PCDHGB2: variants seen among roughly 807,000 people sequenced by gnomAD.
PCDHGB2 encodes the protein protocadherin gamma subfamily B, 2.
PCDHGB2 carries 55 observed loss-of-function variants against 59.3 expected under a neutral mutation model. The ratio of observed to expected loss-of-function variants is 0.93; its 90% CI spans 0.75 to 1.16. The LOEUF is 1.16. Among genes scored for constraint, PCDHGB2 ranks in the 50% most tolerant of loss-of-function variants. PCDHGB2 has a pLI of 0.00. For missense variants in PCDHGB2, 1,228 were observed against 1,198.5 expected (o/e 1.02, Z -0.36); for synonymous variants, 516 against 512.0 (o/e 1.01, Z -0.11).
intron 1 of PCDHGB2, chr5:141,391,595 T>C (rs1353226414): frequency 6.6e-6 from 1 of 152,188 alleles, no homozygotes; most frequent in Non-Finnish European, 1.5e-5. Flanking sequence ...AAATATAAAG[T>C]TTTCAGATTT....
intron 1 of PCDHGB2, chr5:141,410,320 C>G (rs752279818): frequency 8.1e-6 from 13 of 1,613,880 alleles, no homozygotes; most frequent in African/African-American, 2.7e-5. Context: ...TCCTCCTCGC[C>G]GTGATTCTGG....
In PCDHGB2 at chr5:141,486,828, G is replaced by T. The variant is rs140257646; in HGVS notation, c.2422-7979G>T. ...CCCCTTAGCAGCACTGTAACAGTTC[G>T]TCTATTTGTGCTGGACCTCAATGAC... On this transcript the variant is annotated intron_variant, in intron 1 of 3. Coordinates refer to ENST00000522605, the MANE Select transcript of PCDHGB2 (RefSeq NM_018923.3). This position sits in a 1 kb window ranked among gnomAD's most constrained non-coding sequence, Gnocchi z 5.0. The T allele has an allele frequency of 8.7e-6, 14 of 1,614,218 alleles. No homozygotes were observed. The highest frequency in any genetic ancestry group is 1.2e-5 in the Non-Finnish European group (14 of 1,180,042).
chr5:141,392,877 A>T, intron 1 of PCDHGB2: 1 of 1,613,506 alleles, frequency 6.2e-7, no homozygotes, highest in Non-Finnish European at 8.5e-7. Flanking sequence ...GCTGCTGGGA[A>T]CGCTGTGGGA....
At chr5:141,437,895 A>G (rs911855268) in intron 1 of PCDHGB2, among the ~76,000 whole-genome samples, 23 of 151,954 alleles carry the variant, frequency 1.5e-4, no homozygotes, top group African/African-American at 4.8e-4. Flanking sequence ...ACGCCACCAC[A>G]CCCAGCTAAT....
intron 1 of PCDHGB2, chr5:141,394,841 C>A: frequency 6.2e-7 from 1 of 1,613,852 alleles, no homozygotes; most frequent in Non-Finnish European, 8.5e-7. Flanking sequence ...CCGAGTTGGG[C>A]AGTCTGAAGC....
In PCDHGB2 at chr5:141,511,236, C is replaced by T; in HGVS notation, c.*63C>T. 4 of 1,591,606 alleles carry T rather than the reference C, an allele frequency of 2.5e-6. No individual in the cohort carries two copies. Among genetic ancestry groups the T allele is most frequent in the Admixed American group, 3.6e-5 (2 of 56,022 alleles). ...CCCAACCAGCCCAGCTTCTCCTTAC[C>T]TGCACCCAGGCCTCAGAGTTTCAGG... On this transcript the variant is annotated 3_prime_UTR_variant, in exon 4 of 4. Transcript: ENST00000522605.
chr5:141,423,983 C>T, intron 1 of PCDHGB2: 5 of 1,107,052 alleles, frequency 4.5e-6, no homozygotes, highest in Non-Finnish European at 5.6e-6. Context: ...GTATGAGGCT[C>T]TCAATTTATT....
At chr5:141,381,244 C>T (rs554184818) in intron 1 of PCDHGB2, among the ~76,000 whole-genome samples, 2 of 152,360 alleles carry the variant, frequency 1.3e-5, no homozygotes, top group African/African-American at 4.8e-5. Flanking sequence ...TCTCCAGGAC[C>T]TAGAAGAATT....
Position 141,375,311 on chromosome 5 carries a change from C to G in PCDHGB2, c.2421+12755C>G, listed in dbSNP as rs367639660. On this transcript the variant is annotated intron_variant, in intron 1 of 3. Transcript: ENST00000522605. ...TTATCGATTAGTGACAAATGCAGCTCTAGACCGGGAAGAGGTATTCTTGTA... is the reference window on the plus strand; with the variant it reads ...TTATCGATTAGTGACAAATGCAGCTGTAGACCGGGAAGAGGTATTCTTGTA... The G allele has an allele frequency of 2.0e-5, 32 of 1,613,730 alleles. No individual in the cohort carries two copies. The Middle Eastern group carries it at 4.9e-4, about 25-fold the overall frequency.
At chr5:141,372,063 G>C (rs571325193) in intron 1 of PCDHGB2, 20 of 1,613,430 alleles carry the variant, frequency 1.2e-5, no homozygotes, top group East Asian at 2.2e-5. Flanking sequence ...CGACCGCAAC[G>C]ACAATGCACC....
Position 141,485,152 on chromosome 5 carries a change from A to C in PCDHGB2, c.2422-9655A>C. ...CTTCATCCGCGTCTCAGGAGCAAGT[A>C]GAGAATTAGCGGGCGGCAGCAATGC... On this transcript the variant is annotated intron_variant, in intron 1 of 3. Coordinates refer to ENST00000522605, the MANE Select transcript of PCDHGB2 (RefSeq NM_018923.3). The surrounding 1 kb of genome is among the most constrained non-coding windows in gnomAD (Gnocchi z 5.7). 8.8e-6 allele frequency: 14 copies of C among 1,586,038 alleles called. No individual in the cohort carries two copies. The highest frequency in any genetic ancestry group is 1.0e-5 in the Non-Finnish European group (12 of 1,157,128).
In PCDHGB2 at chr5:141,493,233, G is replaced by T. The variant is rs1335823475; in HGVS notation, c.2422-1574G>T. ...TTTGCTCTTCCCACCATTGCTGTTG[G>T]CTAGGTACTAACATGCCTCTCTTAT... is the stretch of plus-strand genomic sequence containing the variant. On this transcript the variant is annotated intron_variant, in intron 1 of 3. Coordinates refer to ENST00000522605, the MANE Select transcript of PCDHGB2 (RefSeq NM_018923.3). This position sits in a 1 kb window ranked among gnomAD's most constrained non-coding sequence, Gnocchi z 4.3. 6.6e-6 allele frequency among the ~76,000 whole-genome samples: 1 copy of T among 152,172 alleles called. No homozygotes were observed. The highest frequency in any genetic ancestry group is 2.1e-4 in the South Asian group (1 of 4,828).
intron 1 of PCDHGB2, chr5:141,389,984 C>G: frequency 6.2e-7 from 1 of 1,614,070 alleles, no homozygotes; most frequent in Non-Finnish European, 8.5e-7. Flanking sequence ...TCTCAGTGCT[C>G]TTCCTCGTGG....
intron 1 of PCDHGB2, chr5:141,374,067 T>A: frequency 1.3e-6 from 2 of 1,500,346 alleles, no homozygotes; most frequent in Non-Finnish European, 1.8e-6. Context: ...CCCAGAGAAG[T>A]TCCTAATAAG....
intron 1 of PCDHGB2, chr5:141,382,842 A>C: frequency 2.0e-6 from 3 of 1,464,302 alleles, no homozygotes; most frequent in Non-Finnish European, 2.8e-6. Context: ...ACCCGGATAC[A>C]CCCGCATTCT....
intron 1 of PCDHGB2, chr5:141,364,578 G>A (rs1168883805): frequency 1.2e-6 from 2 of 1,614,212 alleles, no homozygotes. Flanking sequence ...CGAAGCGGCA[G>A]CTTGGTCACC....
intron 1 of PCDHGB2, chr5:141,478,871 T>C: frequency 2.4e-6 from 3 of 1,274,796 alleles, no homozygotes; most frequent in Non-Finnish European, 3.1e-6. Flanking sequence ...GCGATCAGAG[T>C]TTAGCTTGGT....
chr5:141,361,796 A>T lies in PCDHGB2; in HGVS notation c.1661A>T (p.Asp554Val). 6.2e-7 allele frequency: 1 copy of T among 1,613,122 alleles called. No homozygotes were observed. The highest frequency in any genetic ancestry group is 8.5e-7 in the Non-Finnish European group (1 of 1,179,720). Reference protein sequence around the residue: ...ANVSLRVLVGDLNDNAPRVLY... With the variant: ...ANVSLRVLVGVLNDNAPRVLY... Reference sequence around the variant, plus strand: ...GTGAGCCTGCGCGTGTTAGTGGGCGACCTCAATGACAATGCGCCACGGGTG... The same window carrying T: ...GTGAGCCTGCGCGTGTTAGTGGGCGTCCTCAATGACAATGCGCCACGGGTG... Residue 554 changes from aspartate (D) to valine (V), a missense_variant, in exon 1 of 4, where the codon GAC becomes GTC. Coordinates refer to ENST00000522605, the MANE Select transcript of PCDHGB2 (RefSeq NM_018923.3).
intron 1 of PCDHGB2, among the ~76,000 whole-genome samples, chr5:141,455,045 C>G (rs1008259013): frequency 6.6e-6 from 1 of 151,798 alleles, no homozygotes; most frequent in Non-Finnish European, 1.5e-5. Context: ...ATCTCCTGAC[C>G]TCGTGATCCG....
Sources: gnomAD v4.1 joint callset for allele counts (sites outside exome capture counted in the v4.1 genomes callset) on GRCh38, gnomAD v4.1.1 for gene constraint, Gnocchi (gnomAD v3.1) non-coding constraint, MANE v1.5 for transcripts, NCBI Gene and HGNC (gene_info 2026-07-23, HGNC 2026-07-21) for gene names.